The following PDE4D variants were observed in gnomAD, a reference collection of about 807,000 sequenced individuals.
The protein encoded by PDE4D is phosphodiesterase 4D, also known as 3',5'-cyclic-AMP phosphodiesterase 4D.
Under a neutral mutation model 87.4 loss-of-function variants are expected in PDE4D, and 24 were observed. That is an observed-to-expected ratio of 0.27 (90% confidence interval 0.20 to 0.39). The LOEUF (loss-of-function observed/expected upper bound fraction) is 0.39, where lower values mean the gene tolerates loss of function less well. Ranked by LOEUF, PDE4D falls within the 10% of genes least tolerant of loss-of-function variation. The pLI is 1.00. For synonymous variants in PDE4D, 384 were observed against 383.2 expected (o/e 1.00, Z -0.02); for missense variants, 714 against 1,041.0 (o/e 0.69, Z 4.32).
At chr5:59,455,536 G>A (rs1388606142) in intron 1 of PDE4D, among the ~76,000 whole-genome samples, 1 of 152,248 alleles carries the variant, frequency 6.6e-6, no homozygotes, top group Non-Finnish European at 1.5e-5. Flanking sequence ...GGCCCTCATG[G>A]AGAACCTCTG....
At chr5:59,014,062 T>C (rs1046926609) in intron 6 of PDE4D, among the ~76,000 whole-genome samples, 8 of 152,164 alleles carry the variant, frequency 5.3e-5, no homozygotes, top group African/African-American at 1.4e-4. Flanking sequence ...ATTATCTCAA[T>C]AGATGCAGAA....
chr5:59,840,234 C>CCA (rs142164308), intron 1 of PDE4D, among the ~76,000 whole-genome samples: 26,995 of 144,938 alleles, frequency 0.19, 2,407 homozygotes, highest in Middle Eastern at 0.25. Context: ...ACGTGCACTG[C>CCA]CACACACACA....
intron 1 of PDE4D, among the ~76,000 whole-genome samples, chr5:59,361,996 A>G (rs1413964773): frequency 1.2e-4 from 18 of 152,126 alleles, no homozygotes; most frequent in Admixed American, 1.2e-3. Context: ...GCAGCACTGT[A>G]TAGGGGATTA....
chr5:59,225,825 C>T (rs985498765), intron 1 of PDE4D, among the ~76,000 whole-genome samples: 5 of 150,136 alleles, frequency 3.3e-5, no homozygotes, highest in Admixed American at 6.6e-5. Context: ...AATTGAAACC[C>T]CTCAAAATTA....
At chr5:59,754,558 C>T (rs1760938686) in intron 1 of PDE4D, among the ~76,000 whole-genome samples, 1 of 152,174 alleles carries the variant, frequency 6.6e-6, no homozygotes, top group East Asian at 1.9e-4. Flanking sequence ...GCGTAACGGG[C>T]CCTGTATTTT....
intron 1 of PDE4D, among the ~76,000 whole-genome samples, chr5:59,824,590 C>A (rs140935237): frequency 5.3e-5 from 8 of 152,176 alleles, no homozygotes; most frequent in African/African-American, 2.4e-5. Flanking sequence ...TATACAATTT[C>A]AAAGGCTTTC....
At chr5:59,226,128 A>G (rs1753736184) in intron 1 of PDE4D, among the ~76,000 whole-genome samples, 1 of 152,202 alleles carries the variant, frequency 6.6e-6, no homozygotes, top group Non-Finnish European at 1.5e-5. Context: ...CTACCATATG[A>G]TCTACCAATT....
intron 6 of PDE4D, chr5:59,002,205 C>G: frequency 3.0e-6 from 1 of 336,224 alleles, no homozygotes; most frequent in Non-Finnish European, 5.8e-6. Flanking sequence ...CAGGTTCACT[C>G]TGGTACTGAG....
At chr5:60,278,188 T>C (rs1378910027) in intron 1 of PDE4D, among the ~76,000 whole-genome samples, 1 of 152,088 alleles carries the variant, frequency 6.6e-6, no homozygotes, top group East Asian at 1.9e-4. Flanking sequence ...TTTCACTCAG[T>C]ATAGGTCACA....
At chr5:59,914,892 TG>T in intron 3 of PDE4D, among the ~76,000 whole-genome samples, 1 of 150,740 alleles carries the variant, frequency 6.6e-6, no homozygotes, top group Non-Finnish European at 1.5e-5. Flanking sequence ...TGTGTGTGTG[TG>T]TGTGTGTGTG....
At chr5:60,286,369 G>C (rs1364780929) in intron 1 of PDE4D, among the ~76,000 whole-genome samples, 1 of 152,098 alleles carries the variant, frequency 6.6e-6, no homozygotes, top group Non-Finnish European at 1.5e-5. Context: ...ATGAAACCAA[G>C]TCAGGGCCAC....
At chr5:59,036,390 G>A (rs1758504963) in intron 6 of PDE4D, among the ~76,000 whole-genome samples, 1 of 152,198 alleles carries the variant, frequency 6.6e-6, no homozygotes, top group African/African-American at 2.4e-5. Flanking sequence ...AGAATGGATG[G>A]TAATAAAACT....
At chr5:59,822,847 C>G (rs1769860000) in intron 1 of PDE4D, among the ~76,000 whole-genome samples, 2 of 152,168 alleles carry the variant, frequency 1.3e-5, no homozygotes, top group Admixed American at 1.3e-4. Context: ...CAAACTAAGG[C>G]TGTCTCATAC....
chr5:59,858,314 A>G (rs115825529), intron 1 of PDE4D, among the ~76,000 whole-genome samples: 188 of 151,724 alleles, frequency 1.2e-3, no homozygotes, highest in African/African-American at 4.4e-3. Context: ...AGGGCCTAGA[A>G]TTTCCCTGTA....
intron 5 of PDE4D, chr5:59,166,254 G>A (rs1216889680): frequency 6.6e-6 from 1 of 152,122 alleles, no homozygotes; most frequent in East Asian, 1.9e-4. Context: ...TAATTTAATA[G>A]ACTCACTGAG....
chr5:59,981,641 A>G (rs1192791917), intron 3 of PDE4D, among the ~76,000 whole-genome samples: 1 of 152,210 alleles, frequency 6.6e-6, no homozygotes, highest in African/African-American at 2.4e-5. Context: ...TATAACATTC[A>G]ATAAGAACTT....
chr5:60,500,610 T>C (rs1268598989), intron 1 of PDE4D, among the ~76,000 whole-genome samples: 3 of 152,202 alleles, frequency 2.0e-5, no homozygotes, highest in South Asian at 4.1e-4. Context: ...TTTAAATAAC[T>C]CTAAAAATTC....
intron 1 of PDE4D, among the ~76,000 whole-genome samples, chr5:60,387,949 G>A (rs866508635): frequency 6.6e-6 from 1 of 152,164 alleles, no homozygotes; most frequent in Non-Finnish European, 1.5e-5. Flanking sequence ...TCAAGTTGGG[G>A]TTTCCATGAC....
chr5:59,017,960 C>G (rs1230653274), intron 6 of PDE4D, among the ~76,000 whole-genome samples: 1 of 151,896 alleles, frequency 6.6e-6, no homozygotes, highest in Non-Finnish European at 1.5e-5. Flanking sequence ...TAGTTGGCTT[C>G]ATGTGAGTTC....
Sources: gnomAD v4.1 joint callset for allele counts (sites outside exome capture counted in the v4.1 genomes callset) on GRCh38, gnomAD v4.1.1 for gene constraint, MANE v1.5 for transcripts, NCBI Gene and HGNC (gene_info 2026-07-23, HGNC 2026-07-21) for gene names.